Variants in MYRFL observed in about 807,000 individuals in gnomAD.
MYRFL encodes the protein myelin regulatory factor like, also known as myelin regulatory factor-like protein.
Under a neutral mutation model 109.4 loss-of-function variants are expected in MYRFL, and 88 were observed. The observed-to-expected ratio is 0.80, with a 90% CI of 0.68 to 0.96. The LOEUF (loss-of-function observed/expected upper bound fraction) is 0.96, where lower values mean the gene tolerates loss of function less well. Ranked by LOEUF, MYRFL falls within the 40% of genes least tolerant of loss-of-function variation. The probability of loss-of-function intolerance (pLI) is 0.00; values close to 1 mark genes in which losing one functional copy is unlikely to be tolerated. For missense variants in MYRFL, 957 were observed against 954.9 expected, an observed-to-expected ratio of 1.00 and a Z score of -0.03; for synonymous variants, 324 against 320.9, an observed-to-expected ratio of 1.01 and a Z score of -0.10.
chr12:69,897,272 G>A, intron 10 of MYRFL, 26 bp downstream of exon 10: 2 of 1,487,610 alleles, frequency 1.3e-6, no homozygotes, highest in Non-Finnish European at 1.8e-6. Flanking sequence ...TGACTTTTCT[G>A]GATCTCACAT....
rs1386986183 is a variant in MYRFL, at chr12:69,936,617, C to G, written c.2209C>G (p.Gln737Glu). Residue 737 changes from glutamine (Q) to glutamate (E), a missense_variant, in exon 19 of 25, where the codon CAG becomes GAG. Gln to Glu is a conservative substitution (Grantham distance 29). Coordinates refer to ENST00000552032, the MANE Select transcript of MYRFL (RefSeq NM_182530.3). Reference sequence around the variant, plus strand: ...ACAATCTGAGGAGAAGGAATTCCATCAGAGGCGATGGTCAGGTAAATGATG... The same window carrying G: ...ACAATCTGAGGAGAAGGAATTCCATGAGAGGCGATGGTCAGGTAAATGATG... ...QRQSEEKEFH[Q>E]RRWSEDKSKS... 1.3e-6 allele frequency: 2 copies of G among 1,527,882 alleles called. No homozygotes were observed. Among genetic ancestry groups the G allele is most frequent in the African/African-American group, 1.4e-5 (1 of 72,724 alleles). The allele number at this position is 1,527,882 out of a possible 1,614,324, so 94.6% of individuals were successfully genotyped here.
At chr12:69,950,216 T>C (rs1394868938) in intron 19 of MYRFL, among the ~76,000 whole-genome samples, 1 of 152,196 alleles carries the variant, frequency 6.6e-6, no homozygotes, top group Admixed American at 6.5e-5. Context: ...TTTGCTCCTA[T>C]TTTTCTTCAT....
intron 10 of MYRFL, among the ~76,000 whole-genome samples, chr12:69,901,496 G>C (rs148561033): frequency 5.7e-4 from 87 of 152,296 alleles, no homozygotes; most frequent in African/African-American, 2.0e-3. Flanking sequence ...AGCTAAGTGA[G>C]AGTATTGCAA....
chr12:69,878,548 T>A (rs1349710687), intron 2 of MYRFL, among the ~76,000 whole-genome samples: 1 of 152,216 alleles, frequency 6.6e-6, no homozygotes, highest in East Asian at 1.9e-4. Flanking sequence ...ATTTAATACA[T>A]CCATGTAATT....
Position 69,880,951 on chromosome 12 carries a change from G to GTTTTTTTTTTTTTTTTTTT in MYRFL, c.556+677_556+678insTTTTTTTTTTTTTTTTTTT, listed in dbSNP as rs71094746. ...TAATGTCCAAGCGGTCAGCCTTCCT[G>GTTTTTTTTTTTTTTTTTTT]TTTTTTTTTTTTTTTTTTGTCTTAT... On this transcript the variant is annotated intron_variant, in intron 5 of 24. Coordinates refer to ENST00000552032, the MANE Select transcript of MYRFL (RefSeq NM_182530.3). Among the ~76,000 whole-genome samples the GTTTTTTTTTTTTTTTTTTT allele has an allele frequency of 2.6e-4, 29 of 112,632 alleles. 1 individual carries two copies. Among genetic ancestry groups the GTTTTTTTTTTTTTTTTTTT allele is most frequent in the Non-Finnish European group, 3.9e-4 (22 of 55,768 alleles). 73.9% of individuals were successfully genotyped at this position (112,632 alleles called of 152,430 possible). A position where few individuals can be genotyped will look rare whatever the true frequency, so the allele number is the denominator to read the frequency against.
At position 69,910,793 on chromosome 12, in the gene MYRFL, T is replaced by G; in HGVS notation, c.1493-28T>G. On this transcript the variant is annotated intron_variant, in intron 12 of 24. Transcript: ENST00000552032. Reference sequence around the variant, plus strand: ...CTCCAGAAAGATCTTTCTTTGAAGATTAAACCTGTGGAGTGTTTTGTATAC... The same window carrying G: ...CTCCAGAAAGATCTTTCTTTGAAGAGTAAACCTGTGGAGTGTTTTGTATAC... 2.1e-6 allele frequency: 3 copies of G among 1,452,108 alleles called. No individual in the cohort carries two copies. In the South Asian group the frequency reaches 3.7e-5, roughly 18 times the overall value. 90.0% of individuals were successfully genotyped at this position (1,452,108 alleles called of 1,614,324 possible).
At chr12:69,932,862 C>CGTGT (rs3970822) in intron 16 of MYRFL, among the ~76,000 whole-genome samples, 393 of 149,422 alleles carry the variant, frequency 2.6e-3, no homozygotes, top group Non-Finnish European at 3.9e-3. Context: ...CTGTGCCTTT[C>CGTGT]GTGTGTGTGT....
intron 2 of MYRFL, among the ~76,000 whole-genome samples, chr12:69,861,232 G>A (rs1333446545): frequency 1.3e-5 from 2 of 151,920 alleles, no homozygotes; most frequent in African/African-American, 4.8e-5. Flanking sequence ...CTTTATAGCA[G>A]CATGATTTAT....
At position 69,903,834 on chromosome 12, in the gene MYRFL, A is replaced by G; in HGVS notation, c.1373A>G (p.Asn458Ser). ...CCCTCTGACAGCCGGGCAAAGCAGAATATCCAGGAGGTGAGCACAGATTCA... is the reference window on the plus strand; with the variant it reads ...CCCTCTGACAGCCGGGCAAAGCAGAGTATCCAGGAGGTGAGCACAGATTCA... ...MHPSDSRAKQ[N>S]IQEVDTNEQL... Residue 458 changes from asparagine to serine, a missense_variant, in exon 11 of 25, where the codon AAT becomes AGT. Transcript: ENST00000552032. The G allele has an allele frequency of 6.5e-7, 1 of 1,532,300 alleles. No homozygotes were observed. The highest frequency in any genetic ancestry group is 8.7e-7 in the Non-Finnish European group (1 of 1,144,342). The allele number at this position is 1,532,300 out of a possible 1,614,324, so 94.9% of individuals were successfully genotyped here.
intron 1 of MYRFL, among the ~76,000 whole-genome samples, chr12:69,853,256 G>T (rs374578610): frequency 6.6e-6 from 1 of 151,690 alleles, no homozygotes; most frequent in East Asian, 2.0e-4. Context: ...GGCCGGGCAG[G>T]GGCTGCCCCC....
intron 13 of MYRFL, among the ~76,000 whole-genome samples, chr12:69,919,947 G>A (rs973602281): frequency 9.9e-5 from 15 of 152,156 alleles, no homozygotes; most frequent in African/African-American, 3.6e-4. Flanking sequence ...CCCTCGCTCA[G>A]TGTCACTAAA....
intron 19 of MYRFL, among the ~76,000 whole-genome samples, chr12:69,944,519 C>CTCA (rs1491430305): frequency 1.2e-4 from 16 of 136,998 alleles, no homozygotes; most frequent in Admixed American, 2.5e-4. Context: ...GAACATCACA[C>CTCA]TCTGAGGACT....
intron 6 of MYRFL, 48 bp downstream of exon 6, chr12:69,887,018 A>G: frequency 6.6e-7 from 1 of 1,522,276 alleles, no homozygotes; most frequent in Non-Finnish European, 8.8e-7. Context: ...AGACAGTGCT[A>G]AATCTCAGTA....
intron 1 of MYRFL, among the ~76,000 whole-genome samples, chr12:69,829,083 C>G (rs1335936106): frequency 1.3e-5 from 2 of 151,942 alleles, no homozygotes; most frequent in East Asian, 3.9e-4. Flanking sequence ...AGTAAAAGCT[C>G]AAGAAGGAAA....
At chr12:69,860,115 C>G (rs1032850367) in intron 2 of MYRFL, among the ~76,000 whole-genome samples, 6 of 152,014 alleles carry the variant, frequency 3.9e-5, no homozygotes, top group Non-Finnish European at 5.9e-5. Flanking sequence ...CCTGGGCCCC[C>G]CAACAGGCTC....
chr12:69,926,279 A>G (rs1377717586), intron 13 of MYRFL, among the ~76,000 whole-genome samples: 2 of 152,100 alleles, frequency 1.3e-5, no homozygotes, highest in African/African-American at 4.8e-5. Context: ...ATTGAAAATA[A>G]ATCTTTCAAT....
chr12:69,935,493 G>T (rs1040415043), intron 16 of MYRFL, among the ~76,000 whole-genome samples: 2 of 152,204 alleles, frequency 1.3e-5, no homozygotes, highest in Non-Finnish European at 2.9e-5. Flanking sequence ...ATTTGTTTAT[G>T]TAAGTTCCAG....
At chr12:69,877,169 G>A (rs1198485257) in intron 2 of MYRFL, among the ~76,000 whole-genome samples, 1 of 151,646 alleles carries the variant, frequency 6.6e-6, no homozygotes, top group Non-Finnish European at 1.5e-5. Context: ...GACTACAGGC[G>A]GCTGCCACCA....
At chr12:69,948,675 G>A (rs1250731499) in intron 19 of MYRFL, among the ~76,000 whole-genome samples, 1 of 152,054 alleles carries the variant, frequency 6.6e-6, no homozygotes, top group Non-Finnish European at 1.5e-5. Context: ...AAATCTGGAG[G>A]ACTTTTTGGC....
Sources: allele counts gnomAD v4.1 joint callset (sites outside exome capture counted in the v4.1 genomes callset), GRCh38; gene constraint gnomAD v4.1.1; transcripts MANE v1.5; gene names NCBI Gene and HGNC (gene_info 2026-07-23, HGNC 2026-07-21).